TBCK: variants seen among roughly 807,000 people sequenced by gnomAD.
The protein encoded by TBCK is TBC1 domain containing kinase, also known as TBC domain-containing protein kinase-like protein.
In TBCK, 99 loss-of-function variants were observed where a neutral mutation model predicts 113.4. The ratio of observed to expected loss-of-function variants is 0.87; its 90% CI spans 0.74 to 1.03. The LOEUF (loss-of-function observed/expected upper bound fraction) is 1.03. Among genes scored for constraint, TBCK ranks in the 50% least tolerant of loss-of-function variants. The pLI is 0.00. For synonymous variants in TBCK, 369 were observed against 370.8 expected, an observed-to-expected ratio of 1.00 and a Z score of 0.05; for missense variants, 1,045 against 1,061.3, an observed-to-expected ratio of 0.98 and a Z score of 0.21.
At chr4:106,236,344 AT>A (rs768271723) in intron 14 of TBCK, 45 bp downstream of exon 14, 33 of 1,320,362 alleles carry the variant, frequency 2.5e-5, no homozygotes, top group Non-Finnish European at 2.2e-5. Context: ...TTAAAAAAAA[AT>A]TCCATATGGG....
chr4:106,316,650 G>T, upstream of TBCK: 2 of 1,530,142 alleles, frequency 1.3e-6, no homozygotes, highest in Non-Finnish European at 1.8e-6. Context: ...CGATCGTAGG[G>T]GTCTTCCTTC....
intron 12 of TBCK, among the ~76,000 whole-genome samples, chr4:106,238,199 G>A (rs899347498): frequency 7.2e-5 from 11 of 151,948 alleles, no homozygotes; most frequent in African/African-American, 1.7e-4. Context: ...TTTATTGTTC[G>A]CTGCAGGGTA....
At chr4:106,219,121 C>CA (rs1236124070) in intron 19 of TBCK, among the ~76,000 whole-genome samples, 1 of 146,864 alleles carries the variant, frequency 6.8e-6, no homozygotes, top group Non-Finnish European at 1.5e-5. Flanking sequence ...ATCACAAGAA[C>CA]AAAAAACCAA....
rs528445672 is a variant in TBCK, at chr4:106,281,713, T to C, written c.266+13381A>G. On this transcript the variant is annotated intron_variant, in intron 3 of 25. Coordinates refer to ENST00000394708, the MANE Select transcript of TBCK (RefSeq NM_001163435.3). ...TTCATTCTGTTGATATTATGCATCA[T>C]GTTAATTGATTTGCGTATGTTGAAC... Among the ~76,000 whole-genome samples the C allele has an allele frequency of 7.9e-5, 12 of 152,228 alleles. No homozygotes were observed. In the East Asian group the frequency reaches 1.5e-3, roughly 20 times the overall value.
chr4:106,244,880 G>A (rs1181307921), intron 10 of TBCK, 116 bp from the exon 11 acceptor site: 1 of 614,100 alleles, frequency 1.6e-6, no homozygotes. Context: ...CAGACTTCCA[G>A]TTCCTAGTTC....
chr4:106,243,283 GACATTA>G (rs1207500769), intron 11 of TBCK, among the ~76,000 whole-genome samples: 1 of 152,030 alleles, frequency 6.6e-6, no homozygotes, highest in African/African-American at 2.4e-5. Context: ...GTACTCTCCT[GACATTA>G]ACTCAATGTG....
rs765182039 is a variant in TBCK, at chr4:106,235,313, G to A, written c.1405C>T (p.Pro469Ser). Residue 469 changes from proline to serine, a missense_variant, in exon 15 of 26, where the codon CCT becomes TCT. Pro to Ser is a moderately conservative substitution (Grantham distance 74). Coordinates refer to ENST00000394708, the MANE Select transcript of TBCK (RefSeq NM_001163435.3). ...IWKEARVDIP[P>S]LMRGLTWAAL... ...GCCCAGGTTAAACCTCTCATAAGAG[G>A]AGGAATGTCAACTCTTGCTTCTTTC... is the stretch of plus-strand genomic sequence containing the variant. 3.1e-6 allele frequency: 5 copies of A among 1,610,832 alleles called. No homozygotes were observed. The highest frequency in any genetic ancestry group is 2.2e-5 in the East Asian group (1 of 44,678).
Position 106,301,383 on chromosome 4 carries a change from C to T in TBCK, c.194-6217G>A, listed in dbSNP as rs145043381. ...ATACCAAATAAAAAAGGATGCACTA[C>T]CATTTACCATCTTCACTCTGCTTCT... On this transcript the variant is annotated intron_variant, in intron 2 of 25. Transcript: ENST00000394708. Among the ~76,000 whole-genome samples, 535 of 152,156 alleles carry T rather than the reference C, an allele frequency of 3.5e-3. 8 individuals carry two copies. Among genetic ancestry groups the T allele is most frequent in the Admixed American group, 0.029 (442 of 15,276 alleles).
At chr4:106,271,669 T>C (rs1004479639) in intron 3 of TBCK, among the ~76,000 whole-genome samples, 3 of 151,610 alleles carry the variant, frequency 2.0e-5, no homozygotes, top group African/African-American at 7.3e-5. Context: ...GGAGAATTGC[T>C]TGAACCCAGG....
intron 22 of TBCK, among the ~76,000 whole-genome samples, chr4:106,184,242 C>A (rs927832973): frequency 6.6e-6 from 1 of 152,050 alleles, no homozygotes; most frequent in African/African-American, 2.4e-5. Flanking sequence ...GTACCATGCT[C>A]ACTCATTTCC....
intron 11 of TBCK, among the ~76,000 whole-genome samples, chr4:106,243,080 T>C (rs990824079): frequency 1.3e-5 from 2 of 152,120 alleles, no homozygotes; most frequent in Non-Finnish European, 2.9e-5. Flanking sequence ...CCATGGTATA[T>C]ATGTGCCACA....
chr4:106,239,977 C>T (rs185155209), intron 12 of TBCK, among the ~76,000 whole-genome samples: 1 of 151,916 alleles, frequency 6.6e-6, no homozygotes, highest in Admixed American at 6.6e-5. Context: ...TGCAAAAATT[C>T]TAAACAAAAT....
At chr4:106,130,171 T>C (rs1745713814) in intron 23 of TBCK, among the ~76,000 whole-genome samples, 1 of 152,200 alleles carries the variant, frequency 6.6e-6, no homozygotes, top group African/African-American at 2.4e-5. Context: ...TACTAATTAT[T>C]GGTGATGGAA....
chr4:106,208,950 C>T lies in TBCK; in HGVS notation c.1860+3800G>A, dbSNP rs114057622. Among the ~76,000 whole-genome samples the T allele has an allele frequency of 5.1e-3, 778 of 152,252 alleles. 13 individuals carry two copies. The highest frequency in any genetic ancestry group is 0.018 in the African/African-American group (728 of 41,554). ...TAGGTCATGGCATGCCTGGCTCAGCCGCAGAGCAAGTGCAGGATCTGGGCC... is the reference window on the plus strand; with the variant it reads ...TAGGTCATGGCATGCCTGGCTCAGCTGCAGAGCAAGTGCAGGATCTGGGCC... On this transcript the variant is annotated intron_variant, in intron 20 of 25. Coordinates refer to ENST00000394708, the MANE Select transcript of TBCK (RefSeq NM_001163435.3).
intron 24 of TBCK, among the ~76,000 whole-genome samples, chr4:106,100,396 G>T (rs1045748360): frequency 4.6e-5 from 7 of 152,268 alleles, no homozygotes; most frequent in African/African-American, 1.7e-4. Context: ...ATCTAACAAT[G>T]CTTGCAAGTG....
chr4:106,309,305 CTTTTTTTTTTTTT>C lies in TBCK; in HGVS notation c.-29-329_-29-317del, dbSNP rs536969885. On this transcript the variant is annotated intron_variant, in intron 1 of 25. Coordinates refer to ENST00000394708, the MANE Select transcript of TBCK (RefSeq NM_001163435.3). ...TTCATATTATTAATAAGGCTCTTCT[CTTTTTTTTTTTTT>C]TTTTTTTTTTTTTTGAGACAGTCTC... Among the ~76,000 whole-genome samples the C allele has an allele frequency of 2.1e-3, 217 of 103,144 alleles. 2 individuals carry two copies. The highest frequency in any genetic ancestry group is 3.6e-3 in the East Asian group (11 of 3,050). The allele number at this position is 103,144 out of a possible 152,430, so 67.7% of individuals were successfully genotyped here. A position where few individuals can be genotyped will look rare whatever the true frequency, so the allele number is the denominator to read the frequency against.
chr4:106,145,146 C>T (rs1400538404), intron 23 of TBCK, among the ~76,000 whole-genome samples: 2 of 152,002 alleles, frequency 1.3e-5, no homozygotes, highest in Non-Finnish European at 2.9e-5. Flanking sequence ...GGTGAAACCT[C>T]GTCTCTACTA....
chr4:106,203,620 A>G (rs1241724738), intron 20 of TBCK, among the ~76,000 whole-genome samples: 2 of 151,942 alleles, frequency 1.3e-5, no homozygotes, highest in African/African-American at 2.4e-5. Flanking sequence ...TTGGCTTACA[A>G]TATTGAACAA....
At chr4:106,214,092 C>A (rs1269593375) in intron 19 of TBCK, among the ~76,000 whole-genome samples, 4 of 152,148 alleles carry the variant, frequency 2.6e-5, no homozygotes, top group East Asian at 1.9e-4. Context: ...TGGGAGGCAC[C>A]CTCCAGCAGG....
Sources: allele counts gnomAD v4.1 joint callset (sites outside exome capture counted in the v4.1 genomes callset), GRCh38; gene constraint gnomAD v4.1.1; transcripts MANE v1.5; gene names NCBI Gene and HGNC (gene_info 2026-07-23, HGNC 2026-07-21).